VCAN: variants seen among roughly 807,000 people sequenced by gnomAD.
VCAN encodes versican core protein.
In VCAN, 44 loss-of-function variants were observed where a neutral mutation model predicts 245.5. That is an observed-to-expected ratio of 0.18 (90% CI 0.14 to 0.23). VCAN has a LOEUF of 0.23. VCAN is among the 10% of genes least tolerant of loss of function. The pLI, the probability that VCAN is intolerant of heterozygous loss-of-function variation, is 1.00. For missense variants in VCAN, 3,793 were observed against 4,057.9 expected (o/e 0.93, Z 1.77); for synonymous variants, 1,413 against 1,437.0 (o/e 0.98, Z 0.38).
chr5:83,577,040 A>C (rs966942746), intron 13 of VCAN, among the ~76,000 whole-genome samples: 1 of 152,056 alleles, frequency 6.6e-6, no homozygotes, highest in African/African-American at 2.4e-5. Flanking sequence ...TTACCTTATG[A>C]TATTTTCTGA....
At chr5:83,509,256 G>T (rs1166362732) in intron 5 of VCAN, among the ~76,000 whole-genome samples, 1 of 152,194 alleles carries the variant, frequency 6.6e-6, no homozygotes. Flanking sequence ...TATAAAGTCA[G>T]ATTTAACAAG....
chr5:83,528,991 C>CAT (rs1746411574), intron 7 of VCAN, among the ~76,000 whole-genome samples: 1 of 136,266 alleles, frequency 7.3e-6, no homozygotes, highest in Non-Finnish European at 1.5e-5. Context: ...AACAAAGATA[C>CAT]ACACACACAC....
At chr5:83,561,045 A>G (rs1747847246) in intron 12 of VCAN, among the ~76,000 whole-genome samples, 1 of 152,154 alleles carries the variant, frequency 6.6e-6, no homozygotes, top group Non-Finnish European at 1.5e-5. Context: ...CTGCAGAAAA[A>G]GCCCTGACTT....
chr5:83,568,713 T>A (rs1364021289), intron 12 of VCAN, among the ~76,000 whole-genome samples: 1 of 152,198 alleles, frequency 6.6e-6, no homozygotes, highest in Non-Finnish European at 1.5e-5. Flanking sequence ...TTGTGAGAAA[T>A]GCACATATCA....
At chr5:83,549,112 T>C (rs1747354953) in intron 10 of VCAN, among the ~76,000 whole-genome samples, 1 of 152,222 alleles carries the variant, frequency 6.6e-6, no homozygotes, top group African/African-American at 2.4e-5. Flanking sequence ...ATGGCATTTG[T>C]TGAAGAAAAC....
chr5:83,560,615 A>G (rs566362357), intron 12 of VCAN, among the ~76,000 whole-genome samples: 2 of 152,286 alleles, frequency 1.3e-5, no homozygotes, highest in Admixed American at 1.3e-4. Context: ...ACTGTTTTCA[A>G]CTAAAGACTA....
intron 5 of VCAN, among the ~76,000 whole-genome samples, chr5:83,506,436 C>T (rs1345405058): frequency 6.6e-6 from 1 of 152,184 alleles, no homozygotes; most frequent in Non-Finnish European, 1.5e-5. Flanking sequence ...AGTCTCTTTG[C>T]TAAAACATAA....
At chr5:83,503,301 G>A (rs551288458) in intron 5 of VCAN, among the ~76,000 whole-genome samples, 1 of 152,268 alleles carries the variant, frequency 6.6e-6, no homozygotes, top group African/African-American at 2.4e-5. Context: ...TAATCATTTT[G>A]TTGAATTGTT....
intron 2 of VCAN, among the ~76,000 whole-genome samples, chr5:83,487,378 C>T (rs1410958555): frequency 1.3e-5 from 2 of 152,170 alleles, no homozygotes; most frequent in African/African-American, 4.8e-5. Context: ...TCACTGTACT[C>T]ATTTGGACCA....
At chr5:83,489,947 T>C (rs1744918561) in intron 2 of VCAN, 151 bp from the exon 3 acceptor site, 1 of 747,014 alleles carries the variant, frequency 1.3e-6, no homozygotes, top group South Asian at 1.8e-5. Context: ...TGAAATTGTA[T>C]GCTATTCTCT....
At chr5:83,572,676 T>C in intron 13 of VCAN, 116 bp downstream of exon 13, 2 of 1,325,148 alleles carry the variant, frequency 1.5e-6, no homozygotes, top group South Asian at 1.2e-5. Flanking sequence ...TGTCCATGTA[T>C]GTCATCTCTC....
intron 13 of VCAN, among the ~76,000 whole-genome samples, chr5:83,573,716 G>A (rs1043270298): frequency 6.6e-6 from 1 of 151,940 alleles, no homozygotes; most frequent in African/African-American, 2.4e-5. Flanking sequence ...AATGGCAGTT[G>A]GGGAAAAACC....
At chr5:83,481,326 G>T (rs1744608593) in intron 1 of VCAN, among the ~76,000 whole-genome samples, 1 of 151,192 alleles carries the variant, frequency 6.6e-6, no homozygotes, top group African/African-American at 2.4e-5. Context: ...CACCTCCCGG[G>T]TTCATGCCAT....
chr5:83,508,362 A>T (rs1745542734), intron 5 of VCAN, among the ~76,000 whole-genome samples: 1 of 152,212 alleles, frequency 6.6e-6, no homozygotes, highest in Non-Finnish European at 1.5e-5. Flanking sequence ...ATATTCCACA[A>T]AACAAATTTA....
chr5:83,480,392 T>C (rs532857663), intron 1 of VCAN, among the ~76,000 whole-genome samples: 130 of 152,286 alleles, frequency 8.5e-4, no homozygotes, highest in African/African-American at 3.0e-3. Context: ...GTCACACCTT[T>C]GGTTTTTTTA....
chr5:83,546,730 G>A (rs1747241418), intron 9 of VCAN, among the ~76,000 whole-genome samples: 1 of 152,140 alleles, frequency 6.6e-6, no homozygotes, highest in Non-Finnish European at 1.5e-5. Context: ...GTGACAAAGT[G>A]TCTGGCACTC....
intron 5 of VCAN, among the ~76,000 whole-genome samples, chr5:83,508,409 TA>T (rs1488935150): frequency 3.3e-5 from 5 of 152,208 alleles, no homozygotes; most frequent in African/African-American, 1.2e-4. Flanking sequence ...AGAGGGTTGA[TA>T]CATGGAAAGG....
intron 5 of VCAN, among the ~76,000 whole-genome samples, chr5:83,509,067 G>A (rs201739123): frequency 7.3e-5 from 6 of 82,568 alleles, no homozygotes; most frequent in Admixed American, 1.4e-4. Context: ...AGAAAGAAAA[G>A]AAAGAAAGAA....
chr5:83,533,113 T>A (rs1181574201), intron 7 of VCAN, among the ~76,000 whole-genome samples: 1 of 152,178 alleles, frequency 6.6e-6, no homozygotes, highest in Admixed American at 6.6e-5. Flanking sequence ...ACTTATTAAA[T>A]GAGCATATTA....
Sources: allele counts gnomAD v4.1 joint callset (sites outside exome capture counted in the v4.1 genomes callset), GRCh38; gene constraint gnomAD v4.1.1; transcripts MANE v1.5; gene names NCBI Gene and HGNC (gene_info 2026-07-23, HGNC 2026-07-21).